Variants in EPHA3 observed in about 807,000 individuals in gnomAD.
EPHA3 encodes the protein EPH receptor A3, also known as ephrin type-A receptor 3.
In EPHA3, 42 loss-of-function variants were observed where a neutral mutation model predicts 107.1. The observed-to-expected ratio is 0.39, with a 90% CI of 0.31 to 0.51. The LOEUF (loss-of-function observed/expected upper bound fraction) is 0.51, where lower values mean the gene tolerates loss of function less well. Ranked by LOEUF, EPHA3 falls within the 20% of genes least tolerant of loss-of-function variation. The pLI is 0.78. For missense variants in EPHA3, 1,183 were observed against 1,211.2 expected (o/e 0.98, Z 0.35); for synonymous variants, 461 against 424.8 (o/e 1.09, Z -1.05).
At chr3:89,416,491 T>A (rs1709250252) in intron 10 of EPHA3, among the ~76,000 whole-genome samples, 1 of 151,406 alleles carries the variant, frequency 6.6e-6, no homozygotes, top group African/African-American at 2.4e-5. Flanking sequence ...AGCAGCTTTA[T>A]TGAGATACAA....
chr3:89,276,322 G>A (rs989535406), intron 3 of EPHA3, among the ~76,000 whole-genome samples: 1 of 152,032 alleles, frequency 6.6e-6, no homozygotes, highest in Non-Finnish European at 1.5e-5. Context: ...GCATTGTACT[G>A]TACAGAATGA....
intron 2 of EPHA3, among the ~76,000 whole-genome samples, chr3:89,189,376 C>T (rs1257107906): frequency 1.3e-5 from 2 of 151,978 alleles, no homozygotes; most frequent in African/African-American, 2.4e-5. Context: ...AGGGGGATCA[C>T]GAGGTCAAGA....
intron 5 of EPHA3, among the ~76,000 whole-genome samples, chr3:89,352,544 T>C (rs1043410857): frequency 6.6e-6 from 1 of 150,990 alleles, no homozygotes; most frequent in South Asian, 2.1e-4. Flanking sequence ...CTTTAATAAA[T>C]GTTAAATAAA....
intron 13 of EPHA3, among the ~76,000 whole-genome samples, chr3:89,440,541 G>A (rs1348283358): frequency 1.3e-5 from 2 of 152,138 alleles, no homozygotes; most frequent in East Asian, 1.9e-4. Context: ...AACCCATACC[G>A]CATGAGCTGA....
intron 3 of EPHA3, among the ~76,000 whole-genome samples, chr3:89,270,675 A>T (rs1559626641): frequency 6.6e-6 from 1 of 152,078 alleles, no homozygotes; most frequent in Non-Finnish European, 1.5e-5. Context: ...TTTTGAATGA[A>T]TTCAATGTCA....
chr3:89,477,173 G>A (rs1710533006), intron 16 of EPHA3, among the ~76,000 whole-genome samples: 2 of 152,116 alleles, frequency 1.3e-5, no homozygotes, highest in Admixed American at 6.5e-5. Flanking sequence ...TCAAAGGCAG[G>A]GATCAACAGA....
At chr3:89,219,698 T>TGTTTG (rs1559606344) in intron 3 of EPHA3, among the ~76,000 whole-genome samples, 4 of 12,620 alleles carry the variant, frequency 3.2e-4, no homozygotes, top group African/African-American at 1.0e-3. Context: ...GTTTTTTTTT[T>TGTTTG]TTTTGTTTTT....
chr3:89,123,548 G>A (rs1707438547), intron 1 of EPHA3, among the ~76,000 whole-genome samples: 1 of 152,136 alleles, frequency 6.6e-6, no homozygotes, highest in African/African-American at 2.4e-5. Context: ...CCATCTGAAA[G>A]TCAAATCAAC....
intron 3 of EPHA3, among the ~76,000 whole-genome samples, chr3:89,225,974 A>G (rs1704492016): frequency 6.6e-6 from 1 of 152,188 alleles, no homozygotes. Context: ...AAGTACATAA[A>G]GCAAATAAAA....
rs1455769297 is a variant in EPHA3, at chr3:89,317,368, G to T, written c.815-23548G>T. Reference sequence around the variant, plus strand: ...ACAGGAAAATTTCAGATCTGGATGTGTTTAAATCTGGCCCTGCACTGCCAA... The same window carrying T: ...ACAGGAAAATTTCAGATCTGGATGTTTTTAAATCTGGCCCTGCACTGCCAA... On this transcript the variant is annotated intron_variant, in intron 3 of 16. Transcript: ENST00000336596. 4.0e-5 allele frequency among the ~76,000 whole-genome samples: 6 copies of T among 151,874 alleles called. No homozygotes were observed. The East Asian group carries it at 1.2e-3, about 29-fold the overall frequency.
rs140432700 is a variant in EPHA3, at chr3:89,455,400, G to A, written c.2690+5030G>A. On this transcript the variant is annotated intron_variant, in intron 15 of 16. Transcript: ENST00000336596. Reference sequence around the variant, plus strand: ...AAGGGTTTGGAGAGTTCTAGGAAGTGGCAGAGAATAATATGACTGAAGGGA... The same window carrying A: ...AAGGGTTTGGAGAGTTCTAGGAAGTAGCAGAGAATAATATGACTGAAGGGA... Among the ~76,000 whole-genome samples, 16 of 152,310 alleles carry A rather than the reference G, an allele frequency of 1.1e-4. No homozygotes were observed. In the East Asian group the frequency reaches 3.1e-3, roughly 29 times the overall value.
intron 2 of EPHA3, among the ~76,000 whole-genome samples, chr3:89,146,629 A>T (rs1704564871): frequency 6.6e-6 from 1 of 152,064 alleles, no homozygotes. Context: ...TTTGCTGTAC[A>T]GAAGCTCTTT....
chr3:89,316,489 G>A (rs1389529872), intron 3 of EPHA3, among the ~76,000 whole-genome samples: 3 of 120,760 alleles, frequency 2.5e-5, no homozygotes, highest in African/African-American at 9.6e-5. Context: ...GTGTGTGTGT[G>A]TGTGTGTGTG....
intron 3 of EPHA3, among the ~76,000 whole-genome samples, chr3:89,268,512 G>A (rs1395722600): frequency 4.0e-5 from 6 of 151,888 alleles, no homozygotes; most frequent in Non-Finnish European, 8.8e-5. Flanking sequence ...TTCTTGATAT[G>A]TGTGGTCTAT....
intron 3 of EPHA3, among the ~76,000 whole-genome samples, chr3:89,286,440 G>A (rs1706085483): frequency 6.6e-6 from 1 of 152,192 alleles, no homozygotes; most frequent in East Asian, 1.9e-4. Context: ...CATTGGCAAA[G>A]GCGAAAGCAG....
At chr3:89,136,878 T>G (rs1704326289) in intron 2 of EPHA3, among the ~76,000 whole-genome samples, 1 of 151,940 alleles carries the variant, frequency 6.6e-6, no homozygotes, top group African/African-American at 2.4e-5. Flanking sequence ...TTTAAAAATT[T>G]CAAATAGAAG....
intron 2 of EPHA3, among the ~76,000 whole-genome samples, chr3:89,207,783 G>T (rs71322862): frequency 6.6e-6 from 1 of 151,846 alleles, no homozygotes; most frequent in Admixed American, 6.6e-5. Context: ...TAAGAAAAAC[G>T]TTTTGTTGTA....
chr3:89,304,026 T>C (rs567705201), intron 3 of EPHA3, among the ~76,000 whole-genome samples: 7 of 152,216 alleles, frequency 4.6e-5, no homozygotes, highest in African/African-American at 1.7e-4. Context: ...TAGACCATTT[T>C]CTTCTACACT....
At chr3:89,470,658 G>A (rs1710380726) in intron 15 of EPHA3, among the ~76,000 whole-genome samples, 1 of 152,148 alleles carries the variant, frequency 6.6e-6, no homozygotes, top group South Asian at 2.1e-4. Flanking sequence ...CATCGAATAT[G>A]CCACATGATG....
Sources: allele counts gnomAD v4.1 joint callset (sites outside exome capture counted in the v4.1 genomes callset), GRCh38; gene constraint gnomAD v4.1.1; transcripts MANE v1.5; gene names NCBI Gene and HGNC (gene_info 2026-07-23, HGNC 2026-07-21).